Variants in ADRA1D observed in about 807,000 individuals in gnomAD.
ADRA1D encodes the protein alpha-1D adrenergic receptor.
Under a neutral mutation model 18.6 loss-of-function variants are expected in ADRA1D, and 22 were observed. The observed-to-expected ratio is 1.19, with a 90% confidence interval of 0.85 to 1.69. The LOEUF (loss-of-function observed/expected upper bound fraction) is 1.69. ADRA1D is among the 40% of genes most tolerant of loss of function. The probability of loss-of-function intolerance (pLI) is 0.00; values close to 1 mark genes in which losing one functional copy is unlikely to be tolerated. For missense variants in ADRA1D, 840 were observed against 840.7 expected, an observed-to-expected ratio of 1.00 and a Z score of 0.01; for synonymous variants, 376 against 388.2, an observed-to-expected ratio of 0.97 and a Z score of 0.37.
Position 4,222,987 on chromosome 20 carries a change from C to T in ADRA1D, c.1112-857G>A, listed in dbSNP as rs1319472919. ...ATGATTCAAACGAACATTAGCCGTC[C>T]CCACGGATATTTTCCTATCACTTTC... is the stretch of plus-strand genomic sequence containing the variant. On this transcript the variant is annotated intron_variant, in intron 1 of 1. Coordinates refer to ENST00000379453, the MANE Select transcript of ADRA1D (RefSeq NM_000678.4). The surrounding 1 kb of genome is among the most constrained non-coding windows in gnomAD (Gnocchi z 4.3). 6.6e-6 allele frequency among the ~76,000 whole-genome samples: 1 copy of T among 152,054 alleles called. No individual in the cohort carries two copies. Among genetic ancestry groups the T allele is most frequent in the Non-Finnish European group, 1.5e-5 (1 of 68,014 alleles).
At chr20:4,240,849 A>T (rs372370277) in intron 1 of ADRA1D, among the ~76,000 whole-genome samples, 112 of 152,248 alleles carry the variant, frequency 7.4e-4, no homozygotes, top group African/African-American at 2.6e-3. Context: ...GTGGGTGAGG[A>T]TGGAAAGAAT....
chr20:4,242,318 A>G (rs1326629250), intron 1 of ADRA1D, among the ~76,000 whole-genome samples: 1 of 152,160 alleles, frequency 6.6e-6, no homozygotes, highest in Admixed American at 6.5e-5. Context: ...TGCAGATGGC[A>G]TCTGGCCTCA....
chr20:4,245,530 T>C (rs200044966), intron 1 of ADRA1D, among the ~76,000 whole-genome samples: 1 of 152,130 alleles, frequency 6.6e-6, no homozygotes, highest in Non-Finnish European at 1.5e-5. Flanking sequence ...GAGGCAAATA[T>C]GGCAAAATGT....
At chr20:4,229,365 TGTAAAGGTATCAAAGA>T (rs980669097) in intron 1 of ADRA1D, among the ~76,000 whole-genome samples, 1 of 151,664 alleles carries the variant, frequency 6.6e-6, no homozygotes, top group Non-Finnish European at 1.5e-5. Context: ...ACAAGGAAAA[TGTAAAGGTATCAAAGA>T]GTAAAGGTAT....
At chr20:4,226,448 AGT>A (rs1326514607) in intron 1 of ADRA1D, among the ~76,000 whole-genome samples, 1 of 152,228 alleles carries the variant, frequency 6.6e-6, no homozygotes, top group East Asian at 1.9e-4. Context: ...AAGCCAATAA[AGT>A]GTGTTATCAA....
chr20:4,222,145 G>A lies in ADRA1D; in HGVS notation c.1112-15C>T, dbSNP rs1418266317. On this transcript the variant is annotated splice_polypyrimidine_tract_variant and intron_variant, in intron 1 of 1. Transcript: ENST00000379453. The surrounding 1 kb of genome is among the most constrained non-coding windows in gnomAD (Gnocchi z 4.3). Reference sequence around the variant, plus strand: ...GAACAAGGAGCCTGTAGGGAGCAGAGACCGATACTATTTAGCTGCTTGGGG... The same window carrying A: ...GAACAAGGAGCCTGTAGGGAGCAGAAACCGATACTATTTAGCTGCTTGGGG... 1.2e-6 allele frequency: 2 copies of A among 1,610,550 alleles called. No homozygotes were observed. Among genetic ancestry groups the A allele is most frequent in the African/African-American group, 2.7e-5 (2 of 74,300 alleles).
chr20:4,230,126 G>A (rs573395395), intron 1 of ADRA1D, among the ~76,000 whole-genome samples: 6 of 152,084 alleles, frequency 3.9e-5, no homozygotes, highest in African/African-American at 1.2e-4. Context: ...CACTGACTTC[G>A]TATTCACAAT....
chr20:4,240,666 C>T (rs893329649), intron 1 of ADRA1D, among the ~76,000 whole-genome samples: 4 of 152,074 alleles, frequency 2.6e-5, no homozygotes, highest in African/African-American at 4.8e-5. Flanking sequence ...TGGTGGTGCA[C>T]ACCTATAATC....
At chr20:4,235,298 C>T (rs558218348) in intron 1 of ADRA1D, among the ~76,000 whole-genome samples, 30 of 152,300 alleles carry the variant, frequency 2.0e-4, no homozygotes, top group African/African-American at 6.3e-4. Context: ...CGGAGGCTGC[C>T]TGGTGGAGCC....
At chr20:4,246,664 G>C (rs1450009947) in intron 1 of ADRA1D, among the ~76,000 whole-genome samples, 1 of 152,220 alleles carries the variant, frequency 6.6e-6, no homozygotes, top group East Asian at 1.9e-4. Flanking sequence ...TGTGGTCCCA[G>C]TGTAAATATT....
At chr20:4,237,459 G>GGA (rs1555821573) in intron 1 of ADRA1D, among the ~76,000 whole-genome samples, 4,918 of 136,738 alleles carry the variant, frequency 0.036, 271 homozygotes, top group African/African-American at 0.13. Flanking sequence ...TCCATCTCTT[G>GGA]AAAAAAAAAA....
rs1980691974 is a variant in ADRA1D, at chr20:4,222,271, G to A, written c.1112-141C>T. 1 of 1,194,776 alleles carries A rather than the reference G, an allele frequency of 8.4e-7. No individual in the cohort carries two copies. The highest frequency in any genetic ancestry group is 1.7e-5 in the South Asian group (1 of 59,312). The allele number at this position is 1,194,776 out of a possible 1,614,324, so 74.0% of individuals were successfully genotyped here. On this transcript the variant is annotated intron_variant, in intron 1 of 1. Transcript: ENST00000379453. The surrounding 1 kb of genome is among the most constrained non-coding windows in gnomAD (Gnocchi z 4.3). ...CTCAAGGGATCCGTGCTGTAAATCA[G>A]GAGGTCCATGAACTTGGATAGAGAA... is the stretch of plus-strand genomic sequence containing the variant.
chr20:4,243,029 A>G (rs1485826895), intron 1 of ADRA1D, among the ~76,000 whole-genome samples: 2 of 151,924 alleles, frequency 1.3e-5, no homozygotes, highest in Admixed American at 1.3e-4. Flanking sequence ...GGAGAGGAGG[A>G]AGCTTCTCTG....
intron 1 of ADRA1D, among the ~76,000 whole-genome samples, chr20:4,241,054 G>T (rs965729161): frequency 2.6e-5 from 4 of 151,372 alleles, no homozygotes; most frequent in Middle Eastern, 6.8e-3. Context: ...TTTTTTTTAG[G>T]CCACAAAAAT....
Position 4,248,598 on chromosome 20 carries a change from TGA to T in ADRA1D, c.358_359del (p.Val121GlyfsTer121). 6.2e-7 allele frequency: 1 copy of T among 1,613,362 alleles called. No individual in the cohort carries two copies. The highest frequency in any genetic ancestry group is 8.5e-7 in the Non-Finnish European group (1 of 1,179,904). On this transcript the variant is annotated frameshift_variant, in exon 1 of 2. Coordinates refer to ENST00000379453, the MANE Select transcript of ADRA1D (RefSeq NM_000678.4). LOFTEE classifies it high-confidence loss of function. ...AVAGNLLVIL[S>X]VACNRHLQTV... ...TCTGCAGGTGGCGGTTGCAGGCCAC[TGA>T]GAGGATGACAAGCAGGTTACCTGCC...
chr20:4,248,854 GCGCCGCCCGCGCTGCCCCCGC>G lies in ADRA1D; in HGVS notation c.83_103del (p.Gly28_Gly34del), dbSNP rs929981974. ...CACCGCCGGGCCCTCCGAGGGGGCCGCGCCGCCCGCGCTGCCCCCGCCGCCGCCCGCGCTGGAGCCCCCTGC... is the reference window on the plus strand; with the variant it reads ...CACCGCCGGGCCCTCCGAGGGGGCCGCGCCGCCCGCGCTGGAGCCCCCTGC... On this transcript the variant is annotated inframe_deletion, in exon 1 of 2. Transcript: ENST00000379453. The G allele has an allele frequency of 1.1e-4, 114 of 1,020,556 alleles. No homozygotes were observed. Among genetic ancestry groups the G allele is most frequent in the Non-Finnish European group, 1.3e-4 (109 of 851,022 alleles). 63.2% of individuals were successfully genotyped at this position (1,020,556 alleles called of 1,614,324 possible).
intron 1 of ADRA1D, among the ~76,000 whole-genome samples, chr20:4,231,759 G>C (rs577584899): frequency 6.6e-6 from 1 of 152,220 alleles, no homozygotes; most frequent in South Asian, 2.1e-4. Context: ...TAGTCCCAAA[G>C]CTCCTGGTCC....
chr20:4,227,927 G>C (rs923443955), intron 1 of ADRA1D, among the ~76,000 whole-genome samples: 4 of 141,962 alleles, frequency 2.8e-5, no homozygotes, highest in African/African-American at 9.9e-5. Context: ...CTTTCTAAGC[G>C]GCCTTCCTGC....
At chr20:4,224,990 T>G (rs111960351) in intron 1 of ADRA1D, among the ~76,000 whole-genome samples, 7 of 140,812 alleles carry the variant, frequency 5.0e-5, no homozygotes, top group African/African-American at 1.8e-4. Flanking sequence ...TGTGGCCATC[T>G]AAGTTTTTTT....
Sources: allele counts gnomAD v4.1 joint callset (sites outside exome capture counted in the v4.1 genomes callset), GRCh38; gene constraint gnomAD v4.1.1; non-coding constraint Gnocchi (gnomAD v3.1); transcripts MANE v1.5; gene names NCBI Gene and HGNC (gene_info 2026-07-23, HGNC 2026-07-21).